The following PTK2B variants were observed in gnomAD, a reference collection of about 807,000 sequenced individuals.
PTK2B encodes the protein protein-tyrosine kinase 2-beta.
A neutral mutation model predicts 142.9 loss-of-function variants in PTK2B; 71 were observed. The ratio of observed to expected loss-of-function variants is 0.50; its 90% CI spans 0.41 to 0.61. The LOEUF (loss-of-function observed/expected upper bound fraction) is 0.61, where lower values mean the gene tolerates loss of function less well. Ranked by LOEUF, PTK2B falls within the 20% of genes least tolerant of loss-of-function variation. The pLI, the probability that PTK2B is intolerant of heterozygous loss-of-function variation, is 0.00. For missense variants in PTK2B, 1,105 were observed against 1,320.4 expected, an observed-to-expected ratio of 0.84 and a Z score of 2.53; for synonymous variants, 519 against 503.4, an observed-to-expected ratio of 1.03 and a Z score of -0.42.
At chr8:27,393,545 A>G (rs371878004) in intron 1 of PTK2B, among the ~76,000 whole-genome samples, 110 of 152,184 alleles carry the variant, frequency 7.2e-4, no homozygotes, top group African/African-American at 2.3e-3. Context: ...GTACAGTGTG[A>G]ATCTTTCTCT....
At chr8:27,311,304 GC>G (rs1802957698), upstream of PTK2B, 3 of 1,431,140 alleles carry the variant, frequency 2.1e-6, no homozygotes, top group African/African-American at 2.9e-5. Context: ...GGCTGCCAAC[GC>G]CCGCGACCCG....
chr8:27,352,475 G>C (rs867684126), intron 1 of PTK2B, among the ~76,000 whole-genome samples: 1 of 152,202 alleles, frequency 6.6e-6, no homozygotes, highest in Non-Finnish European at 1.5e-5. Context: ...GGGGTGGAGG[G>C]GGGGCGGTCA....
At chr8:27,357,821 G>A (rs925482753) in intron 1 of PTK2B, among the ~76,000 whole-genome samples, 5 of 152,194 alleles carry the variant, frequency 3.3e-5, no homozygotes, top group African/African-American at 9.7e-5. Context: ...TGCCTAATCT[G>A]TGCCAGGCAT....
chr8:27,437,983 T>C, intron 18 of PTK2B, 103 bp downstream of exon 18: 1 of 1,028,970 alleles, frequency 9.7e-7, no homozygotes, highest in Admixed American at 2.2e-5. Context: ...AGAGCAGTGT[T>C]GGAATCCCAG....
chr8:27,322,611 C>T (rs1221696425), upstream of PTK2B: 2 of 152,186 alleles, frequency 1.3e-5, no homozygotes, highest in Non-Finnish European at 2.9e-5. Flanking sequence ...ATTTGGGCTT[C>T]ACAATACCCT....
At chr8:27,368,915 G>C (rs77723108) in intron 1 of PTK2B, among the ~76,000 whole-genome samples, 2,988 of 152,272 alleles carry the variant, frequency 0.02, 103 homozygotes, top group African/African-American at 0.068. Context: ...GGGGTGGGCA[G>C]GGCGGAAGTG....
At chr8:27,424,417 A>G (rs1809947696) in intron 5 of PTK2B, among the ~76,000 whole-genome samples, 1 of 152,168 alleles carries the variant, frequency 6.6e-6, no homozygotes, top group Non-Finnish European at 1.5e-5. Flanking sequence ...ATCTGCTATA[A>G]CCAATGCAGG....
upstream of PTK2B, among the ~76,000 whole-genome samples, chr8:27,321,677 C>A (rs1803219838): frequency 6.6e-6 from 1 of 152,196 alleles, no homozygotes; most frequent in African/African-American, 2.4e-5. Context: ...AACTTCTACT[C>A]TTCAACCATT....
chr8:27,344,992 G>A (rs986545342), intron 1 of PTK2B, among the ~76,000 whole-genome samples: 4 of 152,154 alleles, frequency 2.6e-5, no homozygotes, highest in Non-Finnish European at 4.4e-5. Context: ...GCAAAACCTC[G>A]TCTCTACTAA....
chr8:27,370,589 A>G (rs969900891), intron 1 of PTK2B, among the ~76,000 whole-genome samples: 16 of 152,226 alleles, frequency 1.1e-4, no homozygotes, highest in Middle Eastern at 6.8e-3. Flanking sequence ...CTCACCACCC[A>G]TCCTCTATCT....
intron 5 of PTK2B, among the ~76,000 whole-genome samples, chr8:27,423,637 T>C (rs1025458283): frequency 7.2e-5 from 11 of 152,032 alleles, no homozygotes; most frequent in African/African-American, 2.7e-4. Context: ...TGTGACCTCA[T>C]GGTTAATAGA....
At chr8:27,404,569 T>C (rs1426417167) in intron 2 of PTK2B, among the ~76,000 whole-genome samples, 1 of 152,124 alleles carries the variant, frequency 6.6e-6, no homozygotes, top group Non-Finnish European at 1.5e-5. Flanking sequence ...GCCTTGGGCA[T>C]TGCTTGCCTG....
At position 27,420,669 on chromosome 8, in the gene PTK2B, A is replaced by G; in HGVS notation, c.396A>G (p.Gln132=). ...TGTCTTGTTGCAGGTATGACCTTCA[A>G]ATCCGCTACTTGCCAGAAGACTTCA... ...HVEAEWRYDL[Q]IRYLPEDFME... is the part of the protein sequence containing the mutation. The change falls in exon 4 of 31, where the codon CAA becomes CAG. Residue 132 remains glutamine (Q), a synonymous_variant. Coordinates refer to ENST00000346049, the MANE Select transcript of PTK2B (RefSeq NM_173176.3). 1.2e-6 allele frequency: 2 copies of G among 1,614,072 alleles called. No individual in the cohort carries two copies. The highest frequency in any genetic ancestry group is 1.7e-6 in the Non-Finnish European group (2 of 1,179,938).
rs1406820490 is a variant in PTK2B, at chr8:27,451,477, T to C, written c.2524-8T>C. On this transcript the variant is annotated splice_region_variant and splice_polypyrimidine_tract_variant and intron_variant, in intron 26 of 30. Coordinates refer to ENST00000346049, the MANE Select transcript of PTK2B (RefSeq NM_173176.3). ...TGACGTTCCTGTTCTCTTTCCTCCT[T>C]CCTCCAGACGCCAGAGAAGGAGGTC... The C allele has an allele frequency of 2.5e-6, 4 of 1,613,968 alleles. No homozygotes were observed. The highest frequency in any genetic ancestry group is 1.3e-5 in the African/African-American group (1 of 75,016).
At chr8:27,443,928 T>C (rs1811311087) in intron 22 of PTK2B, among the ~76,000 whole-genome samples, 1 of 152,144 alleles carries the variant, frequency 6.6e-6, no homozygotes, top group Admixed American at 6.5e-5. Context: ...TGGTGGGTGC[T>C]CCCACGTATA....
At chr8:27,455,607 C>A (rs1812097797) in intron 30 of PTK2B, among the ~76,000 whole-genome samples, 1 of 152,176 alleles carries the variant, frequency 6.6e-6, no homozygotes, top group Non-Finnish European at 1.5e-5. Flanking sequence ...GTCAGGGTGA[C>A]AGATGTGATG....
intron 21 of PTK2B, among the ~76,000 whole-genome samples, chr8:27,441,116 G>A (rs1247459787): frequency 6.6e-6 from 1 of 152,076 alleles, no homozygotes; most frequent in African/African-American, 2.4e-5. Flanking sequence ...TAAATATTTG[G>A]GGCTTTGCTG....
rs903951254 is a variant in PTK2B, at chr8:27,437,153, C to G, written c.1373C>G (p.Thr458Ser). Residue 458 changes from threonine (T) to serine (S), a missense_variant, in exon 16 of 31, where the codon ACC (threonine) becomes AGC (serine). Thr to Ser is a moderately conservative substitution (Grantham distance 58). Coordinates refer to ENST00000346049, the MANE Select transcript of PTK2B (RefSeq NM_173176.3). ...KGEKINVAVK[T>S]CKKDCTLDNK... ...GAGAAAATCAATGTAGCTGTCAAGACCTGCAAGAAAGACTGCACTCTGGAC... is the reference window on the plus strand; with the variant it reads ...GAGAAAATCAATGTAGCTGTCAAGAGCTGCAAGAAAGACTGCACTCTGGAC... 2 of 1,614,042 alleles carry G rather than the reference C, an allele frequency of 1.2e-6. No homozygotes were observed. The highest frequency in any genetic ancestry group is 1.7e-6 in the Non-Finnish European group (2 of 1,179,984).
intron 1 of PTK2B, among the ~76,000 whole-genome samples, chr8:27,337,515 T>G (rs568492835): frequency 3.0e-4 from 45 of 152,238 alleles, no homozygotes; most frequent in Admixed American, 6.5e-4. Context: ...TCACACCGTG[T>G]TCTCCACTCC....
Sources: allele counts gnomAD v4.1 joint callset (sites outside exome capture counted in the v4.1 genomes callset), GRCh38; gene constraint gnomAD v4.1.1; transcripts MANE v1.5; gene names NCBI Gene and HGNC (gene_info 2026-07-23, HGNC 2026-07-21).